BEAN1: variants seen among roughly 807,000 people sequenced by gnomAD.
BEAN1 encodes the protein brain expressed associated with NEDD4 1.
BEAN1 carries 17 observed loss-of-function variants against 17.7 expected under a neutral mutation model. The observed-to-expected ratio is 0.96, with a 90% confidence interval of 0.66 to 1.44. BEAN1 has a LOEUF of 1.44. Among genes scored for constraint, BEAN1 ranks in the 40% most tolerant of loss-of-function variants. The pLI is 0.00. For missense variants in BEAN1, 359 were observed against 374.1 expected, an observed-to-expected ratio of 0.96 and a Z score of 0.33; for synonymous variants, 142 against 151.8, an observed-to-expected ratio of 0.94 and a Z score of 0.47.
intron 4 of BEAN1, among the ~76,000 whole-genome samples, chr16:66,490,040 G>A (rs1872735661): frequency 6.6e-6 from 1 of 151,686 alleles, no homozygotes; most frequent in African/African-American, 2.4e-5. Context: ...GGCGACTGGA[G>A]AGGCAGGAGC....
downstream of BEAN1, among the ~76,000 whole-genome samples, chr16:66,494,789 G>A (rs545889581): frequency 2.6e-5 from 4 of 152,288 alleles, no homozygotes; most frequent in Non-Finnish European, 5.9e-5. Context: ...GCCATCTCCT[G>A]CCCCTTTATG....
chr16:66,472,533 G>C (rs2142440619), intron 3 of BEAN1, among the ~76,000 whole-genome samples: 1 of 151,894 alleles, frequency 6.6e-6, no homozygotes, highest in Non-Finnish European at 1.5e-5. Context: ...GCAAAACCTT[G>C]TCTCTACTAA....
At chr16:66,435,453 A>G (rs1383949232) in intron 1 of BEAN1, among the ~76,000 whole-genome samples, 1 of 152,184 alleles carries the variant, frequency 6.6e-6, no homozygotes. Flanking sequence ...GCTTCCTTGT[A>G]GGGAAATGCA....
intron 1 of BEAN1, among the ~76,000 whole-genome samples, chr16:66,435,157 G>A (rs1961964479): frequency 6.6e-6 from 1 of 152,112 alleles, no homozygotes; most frequent in South Asian, 2.1e-4. Context: ...AGCCCAGGGT[G>A]TCTAGGAAGC....
At chr16:66,450,224 G>A (rs752664252) in intron 2 of BEAN1, among the ~76,000 whole-genome samples, 9 of 152,160 alleles carry the variant, frequency 5.9e-5, no homozygotes, top group Non-Finnish European at 8.8e-5. Flanking sequence ...GTCTTATTAC[G>A]AGAGCCGTGG....
chr16:66,428,040 C>T (rs1961648878), intron 1 of BEAN1: 1 of 152,308 alleles, frequency 6.6e-6, no homozygotes, highest in African/African-American at 2.4e-5. Flanking sequence ...GCCCTCCGCA[C>T]CTTCTCCCAC....
intron 4 of BEAN1, among the ~76,000 whole-genome samples, chr16:66,478,730 C>T (rs866344783): frequency 3.3e-5 from 5 of 152,186 alleles, no homozygotes; most frequent in Admixed American, 1.3e-4. Flanking sequence ...GTTACTATTT[C>T]GAGGCCACAG....
chr16:66,459,688 C>G (rs993547755), intron 2 of BEAN1, among the ~76,000 whole-genome samples: 2 of 152,184 alleles, frequency 1.3e-5, no homozygotes, highest in Admixed American at 1.3e-4. Flanking sequence ...CCCCTCCAAA[C>G]TTAGCCCCCA....
intron 2 of BEAN1, among the ~76,000 whole-genome samples, chr16:66,440,123 C>CTTTTT (rs386384954): frequency 3.7e-4 from 28 of 75,364 alleles, no homozygotes; most frequent in Non-Finnish European, 4.6e-4. Flanking sequence ...TTGGGTACTT[C>CTTTTT]TTTTTTTTTT....
chr16:66,468,338 T>C (rs150798842), intron 2 of BEAN1, among the ~76,000 whole-genome samples: 21 of 152,310 alleles, frequency 1.4e-4, no homozygotes, highest in African/African-American at 5.1e-4. Flanking sequence ...AGCTGGGGCT[T>C]GAACATGGGC....
At chr16:66,485,744 G>C (rs1227096995), downstream of BEAN1, 1 of 157,962 alleles carries the variant, frequency 6.3e-6, no homozygotes, top group African/African-American at 2.4e-5. Flanking sequence ...CTGGGGGCCT[G>C]GGGCTGCCTG....
At chr16:66,439,586 T>C (rs1962167725) in intron 2 of BEAN1, among the ~76,000 whole-genome samples, 1 of 149,242 alleles carries the variant, frequency 6.7e-6, no homozygotes, top group Admixed American at 6.8e-5. Flanking sequence ...GCCCTCTGCA[T>C]ATCCACCTCC....
intron 2 of BEAN1, among the ~76,000 whole-genome samples, chr16:66,451,590 T>C (rs6499089): frequency 0.65 from 98,539 of 152,146 alleles, 32,170 homozygotes; most frequent in African/African-American, 0.69. Context: ...GTCTAGGGAA[T>C]GTCTTTAAAT....
chr16:66,492,601 G>A (rs958464668), intron 4 of BEAN1, among the ~76,000 whole-genome samples: 7 of 150,296 alleles, frequency 4.7e-5, no homozygotes, highest in South Asian at 2.1e-4. Flanking sequence ...CACCATGCCC[G>A]GCTAATTTTT....
chr16:66,475,767 T>C (rs1214383502), intron 3 of BEAN1: 1 of 152,184 alleles, frequency 6.6e-6, no homozygotes, highest in Non-Finnish European at 1.5e-5. Context: ...GTAATGTGTG[T>C]TCATTATAGA....
downstream of BEAN1, among the ~76,000 whole-genome samples, chr16:66,486,275 C>A (rs1964088193): frequency 6.6e-6 from 1 of 152,186 alleles, no homozygotes; most frequent in Admixed American, 6.5e-5. Flanking sequence ...GTCGCCCACA[C>A]TGGAGTGCAG....
chr16:66,442,538 G>C (rs1455536345), intron 2 of BEAN1, among the ~76,000 whole-genome samples: 1 of 152,164 alleles, frequency 6.6e-6, no homozygotes, highest in Non-Finnish European at 1.5e-5. Flanking sequence ...CTGCCTGCAG[G>C]CTGGCAGGAA....
chr16:66,484,960 G>A, downstream of BEAN1: 1 of 454,134 alleles, frequency 2.2e-6, no homozygotes, highest in Non-Finnish European at 4.4e-6. The surrounding 1 kb of genome is among the most constrained non-coding windows in gnomAD (Gnocchi z 4.2). Context: ...TCACCGTGCT[G>A]GCGATGACGC....
intron 1 of BEAN1, among the ~76,000 whole-genome samples, chr16:66,432,465 G>A (rs965223221): frequency 2.0e-5 from 3 of 152,222 alleles, no homozygotes; most frequent in Non-Finnish European, 4.4e-5. Context: ...GCAACTGACC[G>A]AAGTCCCTGG....
Sources: allele counts gnomAD v4.1 joint callset (sites outside exome capture counted in the v4.1 genomes callset), GRCh38; gene constraint gnomAD v4.1.1; non-coding constraint Gnocchi (gnomAD v3.1); transcripts MANE v1.5; gene names NCBI Gene and HGNC (gene_info 2026-07-23, HGNC 2026-07-21).